SLC12A8: variants seen among roughly 807,000 people sequenced by gnomAD.
The protein encoded by SLC12A8 is solute carrier family 12 member 8.
Under a neutral mutation model 75.6 loss-of-function variants are expected in SLC12A8, and 69 were observed. The ratio of observed to expected loss-of-function variants is 0.91; its 90% CI spans 0.75 to 1.11. The LOEUF is 1.11. Ranked by LOEUF, SLC12A8 falls within the 50% of genes most tolerant of loss-of-function variation. The probability of loss-of-function intolerance (pLI) is 0.00; values close to 1 mark genes in which losing one functional copy is unlikely to be tolerated. For synonymous variants in SLC12A8, 365 were observed against 372.8 expected (o/e 0.98, Z 0.24); for missense variants, 877 against 896.7 (o/e 0.98, Z 0.28).
At chr3:125,112,605 A>C (rs1317242861) in intron 8 of SLC12A8, among the ~76,000 whole-genome samples, 1 of 152,140 alleles carries the variant, frequency 6.6e-6, no homozygotes, top group Non-Finnish European at 1.5e-5. Context: ...GTGCCTTACA[A>C]AACTGTTAGA....
chr3:125,195,730 C>G (rs891531032), intron 2 of SLC12A8, among the ~76,000 whole-genome samples: 1 of 152,046 alleles, frequency 6.6e-6, no homozygotes, highest in East Asian at 1.9e-4. Context: ...ACTTTGATGC[C>G]GAAGTTCTGC....
At chr3:125,145,590 C>G (rs1008709769) in intron 5 of SLC12A8, among the ~76,000 whole-genome samples, 1 of 152,298 alleles carries the variant, frequency 6.6e-6, no homozygotes, top group African/African-American at 2.4e-5. Flanking sequence ...AGTAGCTCCC[C>G]TTTATCCACA....
chr3:125,119,980 T>A, intron 7 of SLC12A8: 1 of 446,906 alleles, frequency 2.2e-6, no homozygotes, highest in Non-Finnish European at 4.5e-6. Flanking sequence ...CAGTGTGAAC[T>A]AAAACCCCAG....
At chr3:125,181,372 C>T (rs58804679) in intron 4 of SLC12A8, among the ~76,000 whole-genome samples, 19,976 of 150,166 alleles carry the variant, frequency 0.13, 1,624 homozygotes, top group Non-Finnish European at 0.18. Context: ...GAGGCCGAGG[C>T]GGGTGGATCA....
chr3:125,132,646 G>A (rs893911752), intron 6 of SLC12A8, among the ~76,000 whole-genome samples: 11 of 152,136 alleles, frequency 7.2e-5, no homozygotes, highest in Admixed American at 1.3e-4. Flanking sequence ...AAACTTGTTC[G>A]GTCCAAGATA....
chr3:125,122,536 T>C (rs565149138), intron 6 of SLC12A8, among the ~76,000 whole-genome samples: 29 of 152,146 alleles, frequency 1.9e-4, no homozygotes, highest in African/African-American at 6.7e-4. Context: ...ACATAGAACA[T>C]AGAAAATGGA....
chr3:125,195,568 T>C (rs113424566), intron 2 of SLC12A8, among the ~76,000 whole-genome samples: 292 of 151,952 alleles, frequency 1.9e-3, no homozygotes, highest in African/African-American at 6.7e-3. Flanking sequence ...GGTTGAAATC[T>C]AGTCATTCCC....
chr3:125,090,939 G>C (rs1298899934), intron 12 of SLC12A8, among the ~76,000 whole-genome samples: 1 of 152,064 alleles, frequency 6.6e-6, no homozygotes, highest in Non-Finnish European at 1.5e-5. Context: ...ATATGGCTGG[G>C]ATTACATATA....
At chr3:125,173,885 G>C (rs189973891) in intron 5 of SLC12A8, among the ~76,000 whole-genome samples, 1 of 152,328 alleles carries the variant, frequency 6.6e-6, no homozygotes, top group East Asian at 1.9e-4. Flanking sequence ...GAGGCCAGGA[G>C]TTCAAGAACA....
chr3:125,142,861 G>A (rs1218054035), intron 5 of SLC12A8, among the ~76,000 whole-genome samples: 2 of 152,212 alleles, frequency 1.3e-5, no homozygotes, highest in Non-Finnish European at 1.5e-5. Flanking sequence ...TACACAGTTG[G>A]TTTCCAATGG....
At chr3:125,179,490 A>T (rs558697377) in intron 4 of SLC12A8, among the ~76,000 whole-genome samples, 2 of 152,336 alleles carry the variant, frequency 1.3e-5, no homozygotes, top group South Asian at 2.1e-4. Flanking sequence ...AAAGGGTAAT[A>T]CAACTTCTGG....
intron 5 of SLC12A8, among the ~76,000 whole-genome samples, chr3:125,166,542 G>A (rs546183113): frequency 5.9e-5 from 9 of 152,260 alleles, no homozygotes; most frequent in South Asian, 2.1e-4. Context: ...CTCTGCGTCC[G>A]TCTCCCTTAA....
At chr3:125,163,336 G>A (rs1158969142) in intron 5 of SLC12A8, among the ~76,000 whole-genome samples, 28 of 151,960 alleles carry the variant, frequency 1.8e-4, no homozygotes, top group South Asian at 6.3e-4. Context: ...AGCCGGGTGC[G>A]GTGGTTCACG....
chr3:125,156,759 C>T (rs1448574024), intron 5 of SLC12A8, among the ~76,000 whole-genome samples: 4 of 152,194 alleles, frequency 2.6e-5, no homozygotes, highest in Non-Finnish European at 4.4e-5. Flanking sequence ...CTAGACTGGA[C>T]AATTGCAACC....
chr3:125,199,379 CAAAT>C (rs1422413281), intron 2 of SLC12A8, among the ~76,000 whole-genome samples: 2 of 151,972 alleles, frequency 1.3e-5, no homozygotes, highest in Admixed American at 6.6e-5. Flanking sequence ...AAAATTTTGT[CAAAT>C]AAATAAATAG....
chr3:125,164,622 G>T (rs1253154039), intron 5 of SLC12A8, among the ~76,000 whole-genome samples: 1 of 152,238 alleles, frequency 6.6e-6, no homozygotes, highest in Non-Finnish European at 1.5e-5. Flanking sequence ...GTGTAAAGGG[G>T]ATGACAGTCT....
intron 5 of SLC12A8, among the ~76,000 whole-genome samples, chr3:125,146,438 G>T (rs1340563296): frequency 1.3e-5 from 2 of 152,120 alleles, no homozygotes; most frequent in Admixed American, 6.5e-5. Context: ...GTGTGCTATG[G>T]ATATTTTACC....
At chr3:125,115,147 G>A (rs948882580) in intron 8 of SLC12A8, among the ~76,000 whole-genome samples, 2 of 152,182 alleles carry the variant, frequency 1.3e-5, no homozygotes, top group African/African-American at 4.8e-5. Context: ...TTATCTCAGA[G>A]CCACCACTGT....
chr3:125,088,352 C>T lies in SLC12A8; in HGVS notation c.1940G>A (p.Ser647Asn). 6.2e-7 allele frequency: 1 copy of T among 1,614,200 alleles called. No homozygotes were observed. Among genetic ancestry groups the T allele is most frequent in the Non-Finnish European group, 8.5e-7 (1 of 1,180,048 alleles). Residue 647 changes from serine to asparagine, a missense_variant, in exon 13 of 14, where the codon AGC (serine) becomes AAC (asparagine). Transcript: ENST00000469902. ...GLHLGSASNF[S>N]FFRWMRSLLL... Reference sequence around the variant, plus strand: ...GAGAGACCTCATCCACCGGAAAAAGCTGAAGTTGGAGGCTGATCCTGCAGG... The same window carrying T: ...GAGAGACCTCATCCACCGGAAAAAGTTGAAGTTGGAGGCTGATCCTGCAGG...
Sources: allele counts gnomAD v4.1 joint callset (sites outside exome capture counted in the v4.1 genomes callset), GRCh38; gene constraint gnomAD v4.1.1; transcripts MANE v1.5; gene names NCBI Gene and HGNC (gene_info 2026-07-23, HGNC 2026-07-21).